APCDD1L: variants seen among roughly 807,000 people sequenced by gnomAD.
APCDD1L encodes the protein protein APCDD1-like.
APCDD1L carries 21 observed loss-of-function variants against 24.2 expected under a neutral mutation model. That is an observed-to-expected ratio of 0.87 (90% CI 0.61 to 1.25). The LOEUF (loss-of-function observed/expected upper bound fraction) is 1.25, where lower values mean the gene tolerates loss of function less well. Ranked by LOEUF, APCDD1L falls within the 50% of genes most tolerant of loss-of-function variation. APCDD1L has a pLI of 0.00. For missense variants in APCDD1L, 704 were observed against 711.7 expected (o/e 0.99, Z 0.12); for synonymous variants, 321 against 323.6 (o/e 0.99, Z 0.09).
intron 1 of APCDD1L, among the ~76,000 whole-genome samples, chr20:58,474,828 G>A (rs1365751766): frequency 6.6e-6 from 1 of 152,192 alleles, no homozygotes; most frequent in Non-Finnish European, 1.5e-5. Context: ...TCTCATTCCA[G>A]AATGTTGTCA....
chr20:58,475,694 G>T (rs149273392), intron 1 of APCDD1L, among the ~76,000 whole-genome samples: 9 of 152,022 alleles, frequency 5.9e-5, no homozygotes, highest in African/African-American at 2.2e-4. Context: ...AAGACCACAC[G>T]CTGAGTGGCT....
Position 58,461,586 on chromosome 20 carries a change from G to C in APCDD1L, c.742-32C>G. On this transcript the variant is annotated intron_variant, in intron 3 of 3. Transcript: ENST00000371149. The surrounding 1 kb of genome is among the most constrained non-coding windows in gnomAD (Gnocchi z 6.0). The stretch of plus-strand genomic sequence containing the variant: ...AAAGACAAACAGAAAAACGGTGGTT[G>C]TCCCACATAGAGAAGTTGGGGTGCA... The C allele has an allele frequency of 7.1e-7, 1 of 1,408,364 alleles. No individual in the cohort carries two copies. Among genetic ancestry groups the C allele is most frequent in the Non-Finnish European group, 9.3e-7 (1 of 1,075,156 alleles). The allele number at this position is 1,408,364 out of a possible 1,614,324, so 87.2% of individuals were successfully genotyped here. A position where few individuals can be genotyped will look rare whatever the true frequency, so the allele number is the denominator to read the frequency against.
intron 3 of APCDD1L, among the ~76,000 whole-genome samples, chr20:58,464,045 G>A (rs181245097): frequency 1.2e-3 from 190 of 152,146 alleles, no homozygotes; most frequent in African/African-American, 4.4e-3. Flanking sequence ...TGAAATGCTA[G>A]CAAATGGCTG....
intron 1 of APCDD1L, among the ~76,000 whole-genome samples, chr20:58,475,555 C>T (rs1314463905): frequency 1.3e-5 from 2 of 151,940 alleles, no homozygotes; most frequent in Non-Finnish European, 2.9e-5. Flanking sequence ...ACAAGGGACT[C>T]GTGGGTGTGG....
intron 1 of APCDD1L, among the ~76,000 whole-genome samples, chr20:58,500,763 C>T (rs1036117888): frequency 6.6e-6 from 1 of 152,126 alleles, no homozygotes; most frequent in Non-Finnish European, 1.5e-5. Context: ...TTTGACTACC[C>T]CCGGACATTC....
rs575404883 is a variant in APCDD1L at position 58,494,751 on chromosome 20, G to A, written c.49+19908C>T. Among the ~76,000 whole-genome samples, 5 of 152,226 alleles carry A rather than the reference G, an allele frequency of 3.3e-5. No homozygotes were observed. The highest frequency in any genetic ancestry group is 2.1e-4 in the South Asian group (1 of 4,824). On this transcript the variant is annotated intron_variant, in intron 1 of 3. Coordinates refer to ENST00000371149, the MANE Select transcript of APCDD1L (RefSeq NM_153360.3). The surrounding 1 kb of genome is among the most constrained non-coding windows in gnomAD (Gnocchi z 4.8). ...AGCCCCTTCCATTCTGAAGTGCTAC[G>A]AGCCCCGTACTTTGCCTGTGATTCC...
At chr20:58,463,903 G>T (rs1568733465) in intron 3 of APCDD1L, among the ~76,000 whole-genome samples, 2 of 130,516 alleles carry the variant, frequency 1.5e-5, no homozygotes, top group Non-Finnish European at 3.3e-5. Flanking sequence ...TTGGGGGGGG[G>T]GGGCGTCACA....
intron 1 of APCDD1L, among the ~76,000 whole-genome samples, chr20:58,506,741 G>T (rs562028567): frequency 6.6e-6 from 1 of 152,256 alleles, no homozygotes; most frequent in East Asian, 1.9e-4. Flanking sequence ...GCATGTCTGT[G>T]GTCTTCTACT....
At position 58,514,816 on chromosome 20, in the gene APCDD1L, C is replaced by T. The variant is rs2123205060; in HGVS notation, c.-109G>A. 2 of 911,130 alleles carry T rather than the reference C, an allele frequency of 2.2e-6. No individual in the cohort carries two copies. Among genetic ancestry groups the T allele is most frequent in the Middle Eastern group, 3.5e-4 (1 of 2,896 alleles). The allele number at this position is 911,130 out of a possible 1,614,324, so 56.4% of individuals were successfully genotyped here. On this transcript the variant is annotated 5_prime_UTR_variant, in exon 1 of 4. Transcript: ENST00000371149. ...CGGGCGCCGGCGGCCAGGCTGGAGT[C>T]CTGCGAAGAAGTTGCGAGGGTCCTG...
At chr20:58,505,119 T>G (rs1022947170) in intron 1 of APCDD1L, among the ~76,000 whole-genome samples, 3 of 152,240 alleles carry the variant, frequency 2.0e-5, no homozygotes, top group African/African-American at 7.2e-5. Context: ...TAACTGCTCA[T>G]TTCATATGTT....
chr20:58,465,837 A>G (rs1989694434), intron 3 of APCDD1L, among the ~76,000 whole-genome samples: 1 of 152,236 alleles, frequency 6.6e-6, no homozygotes, highest in Non-Finnish European at 1.5e-5. Context: ...GAGGGCAAAT[A>G]AAGATTTCAC....
intron 3 of APCDD1L, among the ~76,000 whole-genome samples, chr20:58,462,305 C>G (rs1246305137): frequency 6.6e-6 from 1 of 152,066 alleles, no homozygotes; most frequent in Non-Finnish European, 1.5e-5. Flanking sequence ...GAGCTGAGAC[C>G]CAGAGGGCCG....
intron 2 of APCDD1L, among the ~76,000 whole-genome samples, chr20:58,468,728 C>A (rs372753461): frequency 1.9e-4 from 29 of 152,154 alleles, no homozygotes; most frequent in Non-Finnish European, 1.0e-4. Flanking sequence ...CCACCATGCC[C>A]GGCCAATTTT....
intron 1 of APCDD1L, among the ~76,000 whole-genome samples, chr20:58,512,232 C>G (rs1990642636): frequency 6.6e-6 from 1 of 152,254 alleles, no homozygotes; most frequent in Non-Finnish European, 1.5e-5. Context: ...TGGGGCCCCA[C>G]TGTGCCTTTG....
In APCDD1L at chr20:58,515,186, G is replaced by T; in HGVS notation, c.-479C>A. On this transcript the variant is annotated 5_prime_UTR_variant, in exon 1 of 4. Transcript: ENST00000371149. ...CCTGGAAGGGCAAGCGGGGCGGGGA[G>T]TTCCTCTAAGCCCCGCCAGTCCTGG... 1 of 173,934 alleles carries T rather than the reference G, an allele frequency of 5.7e-6. No homozygotes were observed. Among genetic ancestry groups the T allele is most frequent in the Non-Finnish European group, 1.2e-5 (1 of 83,088 alleles). The allele number at this position is 173,934 out of a possible 1,614,324, so 10.8% of individuals were successfully genotyped here. A position where few individuals can be genotyped will look rare whatever the true frequency, so the allele number is the denominator to read the frequency against.
At chr20:58,471,412 A>G (rs1277752079) in intron 1 of APCDD1L, among the ~76,000 whole-genome samples, 1 of 152,194 alleles carries the variant, frequency 6.6e-6, no homozygotes, top group Non-Finnish European at 1.5e-5. Flanking sequence ...AGGCCAAACA[A>G]TGCAGGCCCT....
Position 58,470,723 on chromosome 20 carries a change from TC to T in APCDD1L, c.73del (p.Glu25ArgfsTer49). 6.5e-7 allele frequency: 1 copy of T among 1,540,752 alleles called. No individual in the cohort carries two copies. ...CCAGCGCAGGCAGCTGCCCCCGGCCTCCCCAGCCGCCGGTGCAGTGTGGGCT... is the reference window on the plus strand; with the variant it reads ...CCAGCGCAGGCAGCTGCCCCCGGCCTCCCAGCCGCCGGTGCAGTGTGGGCT... ...LGAHTAPAAG[E>X]AGGSCLRWEP... On this transcript the variant is annotated frameshift_variant, in exon 2 of 4. Transcript: ENST00000371149. LOFTEE classifies it high-confidence loss of function.
intron 1 of APCDD1L, among the ~76,000 whole-genome samples, chr20:58,471,116 C>T (rs540916167): frequency 2.6e-5 from 4 of 152,204 alleles, no homozygotes; most frequent in African/African-American, 9.7e-5. Context: ...CTGAGTCCTG[C>T]CTGCTGGTGG....
At position 58,467,161 on chromosome 20, in the gene APCDD1L, G is replaced by A; in HGVS notation, c.686C>T (p.Ala229Val). The A allele has an allele frequency of 4.4e-6, 7 of 1,607,808 alleles. No homozygotes were observed. Among genetic ancestry groups the A allele is most frequent in the Non-Finnish European group, 5.1e-6 (6 of 1,179,538 alleles). ...CGTGGGCCGGTAGTGCCGCCTCTCC[G>A]CCGGGTCGGTGTGGATGTCCCCCAG... is the stretch of plus-strand genomic sequence containing the variant. ...LYLGDIHTDP[A>V]ERRHYRPTGY... The change falls in exon 3 of 4, where the codon GCG becomes GTG. Residue 229 changes from alanine to valine, a missense_variant. Physicochemically the swap from Ala to Val is moderately conservative, Grantham distance 64. Transcript: ENST00000371149. This position sits in a 1 kb window ranked among gnomAD's most constrained non-coding sequence, Gnocchi z 5.9.
Sources: gnomAD v4.1 joint callset for allele counts (sites outside exome capture counted in the v4.1 genomes callset) on GRCh38, gnomAD v4.1.1 for gene constraint, Gnocchi (gnomAD v3.1) non-coding constraint, MANE v1.5 for transcripts, NCBI Gene and HGNC (gene_info 2026-07-23, HGNC 2026-07-21) for gene names.